IFT172: variants seen among roughly 807,000 people sequenced by gnomAD.
IFT172 encodes intraflagellar transport protein 172 homolog.
In IFT172, 164 loss-of-function variants were observed where a neutral mutation model predicts 248.9. That is an observed-to-expected ratio of 0.66 (90% CI 0.58 to 0.75). The LOEUF (loss-of-function observed/expected upper bound fraction) is 0.75, where lower values mean the gene tolerates loss of function less well. IFT172 is among the 30% of genes least tolerant of loss of function. The pLI is 0.00. For synonymous variants in IFT172, 729 were observed against 791.6 expected (o/e 0.92, Z 1.33); for missense variants, 1,950 against 2,192.4 (o/e 0.89, Z 2.21).
chr2:27,477,438 A>G (rs1010536637), intron 12 of IFT172, 118 bp from the exon 13 acceptor site: 15 of 1,209,638 alleles, frequency 1.2e-5, no homozygotes, highest in Non-Finnish European at 1.6e-5. Context: ...TACCCTGCCA[A>G]TTTCATCCTC....
chr2:27,474,097 C>T (rs527995156), intron 14 of IFT172, among the ~76,000 whole-genome samples: 2 of 152,274 alleles, frequency 1.3e-5, no homozygotes, highest in Admixed American at 1.3e-4. Flanking sequence ...CATGAGCCAC[C>T]GTACCCGGCC....
At position 27,466,087 on chromosome 2, in the gene IFT172, C is replaced by G. The variant is rs191900021; in HGVS notation, c.1693-205G>C. ...CTTGGGTTAAAGTATACTCCTATGA[C>G]AGCACCAACTCTTGGAGGTATAAAG... On this transcript the variant is annotated intron_variant, in intron 16 of 47. Transcript: ENST00000260570. The G allele has an allele frequency of 6.7e-6, 4 of 599,666 alleles. No individual in the cohort carries two copies. The East Asian group carries it at 1.1e-4, about 17-fold the overall frequency. The allele number at this position is 599,666 out of a possible 1,614,324, so 37.1% of individuals were successfully genotyped here.
intron 23 of IFT172, 30 bp from the exon 24 acceptor site, chr2:27,459,859 A>G: frequency 1.2e-6 from 2 of 1,606,228 alleles, no homozygotes; most frequent in Non-Finnish European, 1.7e-6. Flanking sequence ...TGCTCAGCCC[A>G]GATTTCCAGG....
At chr2:27,458,642 A>G in intron 26 of IFT172, 137 bp downstream of exon 26, 1 of 912,146 alleles carries the variant, frequency 1.1e-6, no homozygotes, top group East Asian at 2.6e-5. Context: ...CTAGGGATCA[A>G]AGTGGCTCAG....
At chr2:27,458,892 C>T (rs755505605) in intron 25 of IFT172, 24 bp from the exon 26 acceptor site, 5 of 1,612,640 alleles carry the variant, frequency 3.1e-6, no homozygotes, top group Non-Finnish European at 4.2e-6. Context: ...GAGGTAGATA[C>T]AAAAGGTCAG....
Position 27,471,257 on chromosome 2 carries a change from C to T in IFT172, c.1525-162G>A, listed in dbSNP as rs1667551212. The T allele has an allele frequency of 6.6e-6, 4 of 605,544 alleles. No individual in the cohort carries two copies. The Admixed American group carries it at 1.1e-4, about 16-fold the overall frequency. The allele number at this position is 605,544 out of a possible 1,614,324, so 37.5% of individuals were successfully genotyped here. A position where few individuals can be genotyped will look rare whatever the true frequency, so the allele number is the denominator to read the frequency against. ...CCTGCTTTCTGCTGAGCTGGTATAT[C>T]CTAACTCTGGTCAAGTAAGAGATGA... On this transcript the variant is annotated intron_variant, in intron 15 of 47. Transcript: ENST00000260570.
intron 1 of IFT172, 22 bp downstream of exon 1, chr2:27,489,593 G>T: frequency 6.3e-7 from 1 of 1,596,094 alleles, no homozygotes; most frequent in Non-Finnish European, 8.6e-7. Context: ...TAAGGGGGAG[G>T]GACTGGCACG....
rs565851536 is a variant in IFT172 at position 27,482,230 on chromosome 2, G to A, written c.571-970C>T. ...ACTCCTGACCTCAGGTCATCCACCC[G>A]CCTTGACCTCCCAAAGTGCTGGGAT... On this transcript the variant is annotated intron_variant, in intron 7 of 47. Coordinates refer to ENST00000260570, the MANE Select transcript of IFT172 (RefSeq NM_015662.3). Among the ~76,000 whole-genome samples, 5 of 151,932 alleles carry A rather than the reference G, an allele frequency of 3.3e-5. No homozygotes were observed. In the South Asian group the frequency reaches 1.0e-3, roughly 32 times the overall value.
At chr2:27,455,727 A>G in intron 30 of IFT172, 1 of 388,806 alleles carries the variant, frequency 2.6e-6, no homozygotes, top group South Asian at 2.1e-5. Flanking sequence ...AAAACAAAAA[A>G]GAAAAATGGC....
intron 40 of IFT172, among the ~76,000 whole-genome samples, 183 bp downstream of exon 40, chr2:27,448,732 T>C (rs1209143988): frequency 6.6e-6 from 1 of 152,170 alleles, no homozygotes; most frequent in Non-Finnish European, 1.5e-5. Context: ...AACCTCCCCA[T>C]GCTCTTAGCA....
chr2:27,453,677 C>T lies in IFT172; in HGVS notation c.3774G>A (p.Glu1258=), dbSNP rs759149477. Residue 1258 remains glutamate, a synonymous_variant, in exon 34 of 48, where the codon GAG becomes GAA. Coordinates refer to ENST00000260570, the MANE Select transcript of IFT172 (RefSeq NM_015662.3). Reference sequence around the variant, plus strand: ...CCCGCTCATATTCTTCCTGCAGAGCCTCCAGCTGGCTGGGCACATAGTCCT... The same window carrying T: ...CCCGCTCATATTCTTCCTGCAGAGCTTCCAGCTGGCTGGGCACATAGTCCT... ...ICKDYVPSQL[E]ALQEEYEREA... 1.2e-6 allele frequency: 2 copies of T among 1,612,624 alleles called. No individual in the cohort carries two copies. Among genetic ancestry groups the T allele is most frequent in the Non-Finnish European group, 1.7e-6 (2 of 1,179,562 alleles).
intron 35 of IFT172, among the ~76,000 whole-genome samples, chr2:27,450,583 A>C (rs536138808): frequency 1.3e-5 from 2 of 152,254 alleles, no homozygotes; most frequent in African/African-American, 4.8e-5. Flanking sequence ...ACATGTTGAA[A>C]TGGTAGTATT....
chr2:27,478,832 A>G (rs920194796), intron 10 of IFT172, among the ~76,000 whole-genome samples: 1 of 152,202 alleles, frequency 6.6e-6, no homozygotes, highest in Admixed American at 6.6e-5. Context: ...CCAGGAACTG[A>G]GAAATTTTTA....
At chr2:27,463,594 C>G (rs1232276123) in intron 18 of IFT172, among the ~76,000 whole-genome samples, 1 of 148,274 alleles carries the variant, frequency 6.7e-6, no homozygotes, top group Non-Finnish European at 1.5e-5. Context: ...ATGTGTGGCC[C>G]AAGATAATTC....
chr2:27,464,356 C>T (rs1365735296), intron 18 of IFT172, among the ~76,000 whole-genome samples: 1 of 152,090 alleles, frequency 6.6e-6, no homozygotes, highest in African/African-American at 2.4e-5. Flanking sequence ...TATTATTAAC[C>T]CTATTCTACA....
At chr2:27,468,089 G>A (rs999313419) in intron 16 of IFT172, among the ~76,000 whole-genome samples, 9 of 150,948 alleles carry the variant, frequency 6.0e-5, no homozygotes, top group Non-Finnish European at 1.2e-4. Flanking sequence ...AAACCCGGGA[G>A]GAAGAGGTTG....
In IFT172 at chr2:27,489,688, CG is replaced by C; in HGVS notation, c.-36del. The C allele has an allele frequency of 6.4e-7, 1 of 1,569,072 alleles. No homozygotes were observed. Among genetic ancestry groups the C allele is most frequent in the Non-Finnish European group, 8.7e-7 (1 of 1,145,718 alleles). On this transcript the variant is annotated 5_prime_UTR_variant, in exon 1 of 48. Transcript: ENST00000260570. ...CTGTCTTTCAGATGCTCCTAGACAG[CG>C]ACAACTCCCGTGGTTACCTGGACAA...
rs1553337090 is a variant in IFT172, at chr2:27,483,564, A to C, written c.482+16T>G. The C allele has an allele frequency of 5.0e-6, 8 of 1,611,410 alleles. No homozygotes were observed. In the Admixed American group the frequency reaches 1.3e-4, roughly 27 times the overall value. ...AACACTTCCAGACTCTAGTGATACT[A>C]CTCCTCTTTACTCACTTTGTTGTCA... On this transcript the variant is annotated intron_variant, in intron 6 of 47. Coordinates refer to ENST00000260570, the MANE Select transcript of IFT172 (RefSeq NM_015662.3).
intron 22 of IFT172, 59 bp downstream of exon 22, chr2:27,461,210 G>A (rs1666635399): frequency 1.2e-6 from 2 of 1,612,148 alleles, no homozygotes; most frequent in African/African-American, 1.3e-5. Flanking sequence ...AGACTCCTCT[G>A]GGTAAGGGAA....
Sources: allele counts gnomAD v4.1 joint callset (sites outside exome capture counted in the v4.1 genomes callset), GRCh38; gene constraint gnomAD v4.1.1; transcripts MANE v1.5; gene names NCBI Gene and HGNC (gene_info 2026-07-23, HGNC 2026-07-21).